ABLIM2: variants seen among roughly 807,000 people sequenced by gnomAD.
ABLIM2 encodes actin-binding LIM protein 2.
In ABLIM2, 53 loss-of-function variants were observed where a neutral mutation model predicts 97.7. The ratio of observed to expected loss-of-function variants is 0.54; its 90% CI spans 0.44 to 0.68. ABLIM2 has a LOEUF of 0.68. Among genes scored for constraint, ABLIM2 ranks in the 30% least tolerant of loss-of-function variants. The pLI is 0.00. For missense variants in ABLIM2, 835 were observed against 867.2 expected, an observed-to-expected ratio of 0.96 and a Z score of 0.47; for synonymous variants, 361 against 345.8, an observed-to-expected ratio of 1.04 and a Z score of -0.49.
Position 8,061,000 on chromosome 4 carries a change from T to A in ABLIM2, c.730A>T (p.Met244Leu). The A allele has an allele frequency of 1.3e-6, 2 of 1,599,486 alleles. No individual in the cohort carries two copies. The highest frequency in any genetic ancestry group is 1.7e-6 in the Non-Finnish European group (2 of 1,173,020). ...TACATCTCTTCGCCTTCTGCAAACA[T>A]CTGGCCGCACCTGACACATAGCGCG... is the stretch of plus-strand genomic sequence containing the variant. ...SCALCVRCGQ[M>L]FAEGEEMYLQ... The change falls in exon 7 of 21, where the codon ATG (methionine) becomes TTG (leucine). Residue 244 changes from methionine to leucine, a missense_variant. Transcript: ENST00000447017.
chr4:8,111,066 G>A (rs377382455), intron 1 of ABLIM2, among the ~76,000 whole-genome samples: 1 of 152,248 alleles, frequency 6.6e-6, no homozygotes, highest in Non-Finnish European at 1.5e-5. Flanking sequence ...AGTCAGCCAC[G>A]TGTTTTACAT....
At position 8,033,202 on chromosome 4, in the gene ABLIM2, C is replaced by A. The variant is rs933722515; in HGVS notation, c.1047+2947G>T. Reference sequence around the variant, plus strand: ...CTGGCACCCCATCCACCACCACCTGCACATATGTTCAGTGAGGAGCATGGA... The same window carrying A: ...CTGGCACCCCATCCACCACCACCTGAACATATGTTCAGTGAGGAGCATGGA... On this transcript the variant is annotated intron_variant, in intron 10 of 20. Transcript: ENST00000447017. The surrounding 1 kb of genome is among the most constrained non-coding windows in gnomAD (Gnocchi z 4.5). Among the ~76,000 whole-genome samples, 1 of 152,202 alleles carries A rather than the reference C, an allele frequency of 6.6e-6. No homozygotes were observed. Among genetic ancestry groups the A allele is most frequent in the Non-Finnish European group, 1.5e-5 (1 of 68,042 alleles).
rs1366728508 is a variant in ABLIM2, at chr4:8,104,206, G to A, written c.154+2288C>T. 8.5e-5 allele frequency among the ~76,000 whole-genome samples: 13 copies of A among 152,206 alleles called. 1 individual carries two copies. Among genetic ancestry groups the A allele is most frequent in the Non-Finnish European group, 4.4e-5 (3 of 68,038 alleles). Reference sequence around the variant, plus strand: ...CACCTGCTTGTTTTTGGAAATGTGGGAGGATGGAGGCCGGCCACACTCACA... The same window carrying A: ...CACCTGCTTGTTTTTGGAAATGTGGAAGGATGGAGGCCGGCCACACTCACA... On this transcript the variant is annotated intron_variant, in intron 2 of 20. Transcript: ENST00000447017.
In ABLIM2 at chr4:8,150,415, C is replaced by T. The variant is rs1181231319; in HGVS notation, c.10+8265G>A. 6.6e-6 allele frequency among the ~76,000 whole-genome samples: 1 copy of T among 152,174 alleles called. No individual in the cohort carries two copies. Among genetic ancestry groups the T allele is most frequent in the East Asian group, 1.9e-4 (1 of 5,198 alleles). ...CTACCTGAGTGGCTTTCAGGGGAGCCAGTACAAGGCCCCATCGTGCCCTGA... is the reference window on the plus strand; with the variant it reads ...CTACCTGAGTGGCTTTCAGGGGAGCTAGTACAAGGCCCCATCGTGCCCTGA... On this transcript the variant is annotated intron_variant, in intron 1 of 20. Coordinates refer to ENST00000447017, the MANE Select transcript of ABLIM2 (RefSeq NM_001130083.2). This position sits in a 1 kb window ranked among gnomAD's most constrained non-coding sequence, Gnocchi z 6.3.
chr4:8,154,993 T>G (rs761505241), intron 1 of ABLIM2, among the ~76,000 whole-genome samples: 5 of 152,210 alleles, frequency 3.3e-5, no homozygotes, highest in Non-Finnish European at 7.3e-5. Context: ...ATCGCCAGCC[T>G]TAATCACCAC....
At chr4:8,151,154 T>A (rs894697594) in intron 1 of ABLIM2, among the ~76,000 whole-genome samples, 3 of 152,312 alleles carry the variant, frequency 2.0e-5, no homozygotes, top group Admixed American at 2.0e-4. Context: ...CGATTGGGGC[T>A]GGAGCCCAGG....
At position 8,041,854 on chromosome 4, in the gene ABLIM2, A is replaced by C. The variant is rs549905398; in HGVS notation, c.900+3310T>G. On this transcript the variant is annotated intron_variant, in intron 9 of 20. Coordinates refer to ENST00000447017, the MANE Select transcript of ABLIM2 (RefSeq NM_001130083.2). ...GGGAGGCGCAGCTTGCAGTGAGCTG[A>C]GATTGCACCACTGCACTCCAGCCTG... Among the ~76,000 whole-genome samples the C allele has an allele frequency of 1.6e-3, 237 of 151,738 alleles. 5 individuals are homozygous for C. Among genetic ancestry groups the C allele is most frequent in the Non-Finnish European group, 1.7e-3 (116 of 68,008 alleles).
chr4:8,017,177 C>T lies in ABLIM2; in HGVS notation c.1423+2441G>A, dbSNP rs146933385. ...CTGGTGGGTGCGAGGCCTCCTGCGC[C>T]GCCTCCTCCCAGGCCCTCATACAAC... On this transcript the variant is annotated intron_variant, in intron 14 of 20. Transcript: ENST00000447017. Among the ~76,000 whole-genome samples, 236 of 152,306 alleles carry T rather than the reference C, an allele frequency of 1.5e-3. 1 individual carries two copies. The highest frequency in any genetic ancestry group is 5.0e-3 in the African/African-American group (209 of 41,568).
Position 8,130,241 on chromosome 4 carries a change from G to A in ABLIM2, c.11-23604C>T, listed in dbSNP as rs987396371. Among the ~76,000 whole-genome samples the A allele has an allele frequency of 1.3e-5, 2 of 152,240 alleles. No homozygotes were observed. The highest frequency in any genetic ancestry group is 4.8e-5 in the African/African-American group (2 of 41,478). On this transcript the variant is annotated intron_variant, in intron 1 of 20. Coordinates refer to ENST00000447017, the MANE Select transcript of ABLIM2 (RefSeq NM_001130083.2). This position sits in a 1 kb window ranked among gnomAD's most constrained non-coding sequence, Gnocchi z 4.2. ...ATGGAGACGCAGGGTGGCCAGGGTG[G>A]TGCTGGATGGCTGAGGCCCGGCCGC...
At chr4:8,154,689 A>G (rs367689835) in intron 1 of ABLIM2, among the ~76,000 whole-genome samples, 11 of 152,212 alleles carry the variant, frequency 7.2e-5, no homozygotes, top group African/African-American at 2.2e-4. Context: ...CCACCGCCCA[A>G]TTAGAATGTA....
chr4:8,152,792 G>C (rs149182830), intron 1 of ABLIM2, among the ~76,000 whole-genome samples: 1 of 152,178 alleles, frequency 6.6e-6, no homozygotes, highest in African/African-American at 2.4e-5. Context: ...CCTCTACCAC[G>C]TGCCAGGCAG....
chr4:8,125,412 T>C lies in ABLIM2; in HGVS notation c.11-18775A>G, dbSNP rs960494521. On this transcript the variant is annotated intron_variant, in intron 1 of 20. Transcript: ENST00000447017. This position sits in a 1 kb window ranked among gnomAD's most constrained non-coding sequence, Gnocchi z 6.2. ...AATTGCATCTATGTGACTGCTAGTT[T>C]TAATTGTGGATACCCTTGCTTCGCA... 9.2e-5 allele frequency among the ~76,000 whole-genome samples: 14 copies of C among 152,374 alleles called. No individual in the cohort carries two copies. The South Asian group carries it at 2.1e-3, about 23-fold the overall frequency.
intron 1 of ABLIM2, among the ~76,000 whole-genome samples, chr4:8,129,243 G>A (rs1849003443): frequency 6.6e-6 from 1 of 152,188 alleles, no homozygotes; most frequent in Non-Finnish European, 1.5e-5. Context: ...AAGGGAAAAG[G>A]AATAAAAAGC....
chr4:8,146,951 T>C (rs537963604), intron 1 of ABLIM2, among the ~76,000 whole-genome samples: 83 of 152,382 alleles, frequency 5.4e-4, no homozygotes, highest in African/African-American at 1.2e-3. Context: ...AGAAGTTTGA[T>C]AAATGCTGCC....
chr4:7,968,849 G>T (rs1725221001), intron 20 of ABLIM2, among the ~76,000 whole-genome samples: 1 of 152,176 alleles, frequency 6.6e-6, no homozygotes, highest in South Asian at 2.1e-4. Flanking sequence ...ACTTTAAAAT[G>T]GTTAAAATGG....
At position 7,970,538 on chromosome 4, in the gene ABLIM2, T is replaced by A. The variant is rs116189687; in HGVS notation, c.1825-3435A>T. 1.3e-5 allele frequency among the ~76,000 whole-genome samples: 2 copies of A among 151,648 alleles called. No individual in the cohort carries two copies. Among genetic ancestry groups the A allele is most frequent in the African/African-American group, 2.4e-5 (1 of 41,284 alleles). Reference sequence around the variant, plus strand: ...GCTGGGGAAGGAGAGAAGGGCAGGCTTGAGGATGACACCATGTGCTCCAGG... The same window carrying A: ...GCTGGGGAAGGAGAGAAGGGCAGGCATGAGGATGACACCATGTGCTCCAGG... On this transcript the variant is annotated intron_variant, in intron 20 of 20. Transcript: ENST00000447017. This position sits in a 1 kb window ranked among gnomAD's most constrained non-coding sequence, Gnocchi z 5.3.
At chr4:7,975,621 T>A (rs1732396190) in intron 20 of ABLIM2, among the ~76,000 whole-genome samples, 2 of 152,226 alleles carry the variant, frequency 1.3e-5, no homozygotes, top group Admixed American at 1.3e-4. Flanking sequence ...CTCATCTGAT[T>A]GGGCCTCCAA....
chr4:8,036,392 C>T (rs1353110464), intron 9 of ABLIM2, 97 bp from the exon 10 acceptor site: 15 of 1,447,134 alleles, frequency 1.0e-5, no homozygotes, highest in African/African-American at 5.6e-5. Context: ...GACAGTGCCC[C>T]CAAAGCCAGA....
chr4:8,066,231 G>A (rs1184023599), intron 6 of ABLIM2, among the ~76,000 whole-genome samples: 13 of 150,746 alleles, frequency 8.6e-5, no homozygotes, highest in South Asian at 4.2e-4. Context: ...GCGTGAACCC[G>A]GGAGGCAGAG....
Sources: gnomAD v4.1 joint callset for allele counts (sites outside exome capture counted in the v4.1 genomes callset) on GRCh38, gnomAD v4.1.1 for gene constraint, Gnocchi (gnomAD v3.1) non-coding constraint, MANE v1.5 for transcripts, NCBI Gene and HGNC (gene_info 2026-07-23, HGNC 2026-07-21) for gene names.